The following SIPA1L3 variants were observed in gnomAD, a reference collection of about 807,000 sequenced individuals.
SIPA1L3 encodes signal induced proliferation associated 1 like 3.
SIPA1L3 carries 59 observed loss-of-function variants against 150.1 expected under a neutral mutation model. That is an observed-to-expected ratio of 0.39 (90% CI 0.32 to 0.49). SIPA1L3 has a LOEUF of 0.49. SIPA1L3 is among the 20% of genes least tolerant of loss of function. SIPA1L3 has a pLI of 0.86. For synonymous variants in SIPA1L3, 1,070 were observed against 1,077.6 expected (o/e 0.99, Z 0.14); for missense variants, 2,211 against 2,489.5 (o/e 0.89, Z 2.38).
intron 9 of SIPA1L3, among the ~76,000 whole-genome samples, chr19:38,124,084 G>T (rs28609356): frequency 0.027 from 4,104 of 150,248 alleles, 175 homozygotes; most frequent in African/African-American, 0.095. Flanking sequence ...GGACGGGGCG[G>T]CTGGCCGGGC....
At chr19:38,042,594 G>A (rs1287433839) in intron 2 of SIPA1L3, among the ~76,000 whole-genome samples, 1 of 152,078 alleles carries the variant, frequency 6.6e-6, no homozygotes, top group Non-Finnish European at 1.5e-5. Context: ...GTTTTTAAAA[G>A]CTAATATGTC....
chr19:38,157,936 T>G (rs747647359), intron 13 of SIPA1L3, among the ~76,000 whole-genome samples: 8 of 152,090 alleles, frequency 5.3e-5, no homozygotes, highest in African/African-American at 9.7e-5. Flanking sequence ...TTAACAGTAA[T>G]GCCGAGTATG....
chr19:38,101,298 C>T, intron 6 of SIPA1L3, 72 bp downstream of exon 6: 1 of 1,152,784 alleles, frequency 8.7e-7, no homozygotes, highest in Non-Finnish European at 1.2e-6. Context: ...GCTTAAAAGG[C>T]CTGGGGATGC....
chr19:38,126,538 A>G (rs1971176808), intron 9 of SIPA1L3, among the ~76,000 whole-genome samples: 1 of 150,130 alleles, frequency 6.7e-6, no homozygotes, highest in African/African-American at 2.5e-5. Flanking sequence ...GCCCAAGACA[A>G]TTCTTTTTTT....
At chr19:37,994,793 A>G (rs1263643286) in intron 1 of SIPA1L3, among the ~76,000 whole-genome samples, 4 of 152,148 alleles carry the variant, frequency 2.6e-5, no homozygotes, top group Non-Finnish European at 5.9e-5. Context: ...TCGATCTGTC[A>G]GTTGGGACAC....
At chr19:38,122,194 G>A (rs1971037434) in intron 9 of SIPA1L3, among the ~76,000 whole-genome samples, 1 of 151,106 alleles carries the variant, frequency 6.6e-6, no homozygotes, top group Admixed American at 6.6e-5. Context: ...GCACTCCAAC[G>A]TGGGTGACAG....
Position 38,130,476 on chromosome 19 carries a change from C to T in SIPA1L3, c.2869-22C>T, listed in dbSNP as rs746387129. ...GCTGACCCAAGCAGCTTCTGAGGCT[C>T]GATCCTGCCTGTGGCCTGCAGGTGA... On this transcript the variant is annotated intron_variant, in intron 9 of 21. Coordinates refer to ENST00000222345, the MANE Select transcript of SIPA1L3 (RefSeq NM_015073.3). The T allele has an allele frequency of 9.4e-6, 15 of 1,594,934 alleles. No individual in the cohort carries two copies. The East Asian group carries it at 1.3e-4, about 14-fold the overall frequency.
chr19:37,993,326 CTATTAT>C (rs974440631), intron 1 of SIPA1L3, among the ~76,000 whole-genome samples: 1 of 151,816 alleles, frequency 6.6e-6, no homozygotes, highest in South Asian at 2.1e-4. Context: ...GTTTTTATTG[CTATTAT>C]TATTATTATT....
At chr19:38,028,124 G>A (rs1382265287) in intron 1 of SIPA1L3, among the ~76,000 whole-genome samples, 1 of 152,048 alleles carries the variant, frequency 6.6e-6, no homozygotes, top group Admixed American at 6.6e-5. Context: ...TACAGACAGT[G>A]CCTTCTCCGC....
rs532051402 is a variant in SIPA1L3 at position 38,030,639 on chromosome 19, T to C, written c.-311+1483T>C. ...TATGTGGCAAATATATATATATATATATATATATATATGGCAAATACTTAC... is the reference window on the plus strand; with the variant it reads ...TATGTGGCAAATATATATATATATACATATATATATATGGCAAATACTTAC... On this transcript the variant is annotated intron_variant, in intron 2 of 21. Coordinates refer to ENST00000222345, the MANE Select transcript of SIPA1L3 (RefSeq NM_015073.3). 9.1e-3 allele frequency among the ~76,000 whole-genome samples: 612 copies of C among 67,366 alleles called. 33 individuals are homozygous for C. The highest frequency in any genetic ancestry group is 0.025 in the African/African-American group (598 of 24,338). 44.2% of individuals were successfully genotyped at this position (67,366 alleles called of 152,430 possible).
chr19:37,937,962 G>A (rs1475158674), intron 1 of SIPA1L3, among the ~76,000 whole-genome samples: 2 of 151,760 alleles, frequency 1.3e-5, no homozygotes, highest in African/African-American at 4.8e-5. Context: ...CAGGAGAATT[G>A]CTTGAACCCA....
intron 19 of SIPA1L3, 121 bp from the exon 20 acceptor site, chr19:38,201,741 C>G: frequency 9.4e-7 from 1 of 1,058,944 alleles, no homozygotes; most frequent in Non-Finnish European, 1.3e-6. Context: ...AGTGCCGATG[C>G]AGTCTGTCCC....
intron 2 of SIPA1L3, among the ~76,000 whole-genome samples, chr19:38,077,653 T>G (rs1600017337): frequency 7.9e-6 from 1 of 125,892 alleles, no homozygotes; most frequent in African/African-American, 3.2e-5. Context: ...TTTTTTCTTT[T>G]TCTTTTTCTT....
rs78791013 is a variant in SIPA1L3 at position 38,055,364 on chromosome 19, A to G, written c.-310-25892A>G. On this transcript the variant is annotated intron_variant, in intron 2 of 21. Coordinates refer to ENST00000222345, the MANE Select transcript of SIPA1L3 (RefSeq NM_015073.3). ...TCCCCAGCATGTCACTCTCAGCCTC[A>G]TGCTCCCAAGATGACGGTTGCACCC... 2.6e-5 allele frequency among the ~76,000 whole-genome samples: 4 copies of G among 152,164 alleles called. No homozygotes were observed. In the East Asian group the frequency reaches 5.8e-4, roughly 22 times the overall value.
chr19:38,204,001 C>T (rs1568610700), intron 20 of SIPA1L3, 126 bp from the exon 21 acceptor site: 2 of 703,530 alleles, frequency 2.8e-6, no homozygotes, highest in East Asian at 2.8e-5. Flanking sequence ...CTCAGAGCTT[C>T]TCCTCAGGCT....
chr19:37,990,798 C>T (rs1481061557), intron 1 of SIPA1L3, among the ~76,000 whole-genome samples: 4 of 152,206 alleles, frequency 2.6e-5, no homozygotes, highest in African/African-American at 9.7e-5. Flanking sequence ...ACAGCAGACA[C>T]GCTCAGTGCC....
intron 9 of SIPA1L3, among the ~76,000 whole-genome samples, chr19:38,124,172 G>A (rs1435116319): frequency 6.6e-6 from 1 of 151,736 alleles, no homozygotes; most frequent in Non-Finnish European, 1.5e-5. Context: ...AGACGGGGTG[G>A]TTGCTGGGCG....
intron 4 of SIPA1L3, among the ~76,000 whole-genome samples, chr19:38,099,193 G>T (rs1294189317): frequency 6.6e-6 from 1 of 152,076 alleles, no homozygotes; most frequent in Non-Finnish European, 1.5e-5. Context: ...ATGCCACCAT[G>T]CCTGGCTAAT....
intron 2 of SIPA1L3, among the ~76,000 whole-genome samples, chr19:38,035,186 C>G (rs1404819569): frequency 6.6e-6 from 1 of 152,200 alleles, no homozygotes; most frequent in Non-Finnish European, 1.5e-5. Context: ...CTCCACCTGC[C>G]TTTCTTCAGT....
Sources: gnomAD v4.1 joint callset for allele counts (sites outside exome capture counted in the v4.1 genomes callset) on GRCh38, gnomAD v4.1.1 for gene constraint, MANE v1.5 for transcripts, NCBI Gene and HGNC (gene_info 2026-07-23, HGNC 2026-07-21) for gene names.